BIRC2: variants seen among roughly 807,000 people sequenced by gnomAD.
The protein encoded by BIRC2 is baculoviral IAP repeat-containing protein 2.
In BIRC2, 18 loss-of-function variants were observed where a neutral mutation model predicts 60.9. That is an observed-to-expected ratio of 0.30 (90% CI 0.20 to 0.44). BIRC2 has a LOEUF of 0.44. Ranked by LOEUF, BIRC2 falls within the 20% of genes least tolerant of loss-of-function variation. BIRC2 has a pLI of 1.00. For missense variants in BIRC2, 701 were observed against 728.5 expected (o/e 0.96, Z 0.43); for synonymous variants, 282 against 247.7 (o/e 1.14, Z -1.30).
intron 5 of BIRC2, among the ~76,000 whole-genome samples, chr11:102,364,174 T>TATATATACACACACACACAC (rs1389968594): frequency 2.6e-5 from 2 of 78,116 alleles, no homozygotes; most frequent in African/African-American, 1.3e-4. Flanking sequence ...TATATATATA[T>TATATATACACACACACACAC]ACACACACAC....
At chr11:102,364,174 T>TATACACACACACACAC (rs1389968594) in intron 5 of BIRC2, among the ~76,000 whole-genome samples, 1 of 78,120 alleles carries the variant, frequency 1.3e-5, no homozygotes, top group African/African-American at 6.7e-5. Flanking sequence ...TATATATATA[T>TATACACACACACACAC]ACACACACAC....
chr11:102,353,679 C>CTTTTTTTTTT lies in BIRC2; in HGVS notation c.995+2751_995+2760dup, dbSNP rs60766578. ...ATCCATCACCTTATGTAGTAACTTT[C>CTTTTTTTTTT]TTTTTTTTTTTTTTTTTTTTTTTTG... On this transcript the variant is annotated intron_variant, in intron 3 of 8. Coordinates refer to ENST00000227758, the MANE Select transcript of BIRC2 (RefSeq NM_001166.5). Among the ~76,000 whole-genome samples, 608 of 85,944 alleles carry CTTTTTTTTTT rather than the reference C, an allele frequency of 7.1e-3. 7 individuals are homozygous for CTTTTTTTTTT. The highest frequency in any genetic ancestry group is 0.011 in the Non-Finnish European group (481 of 45,102). The allele number at this position is 85,944 out of a possible 152,430, so 56.4% of individuals were successfully genotyped here.
At chr11:102,361,607 A>C (rs1263073635) in intron 3 of BIRC2, among the ~76,000 whole-genome samples, 1 of 152,084 alleles carries the variant, frequency 6.6e-6, no homozygotes, top group Non-Finnish European at 1.5e-5. Flanking sequence ...ATCAATGAAC[A>C]CTATAGGGTC....
intron 6 of BIRC2, among the ~76,000 whole-genome samples, chr11:102,374,427 G>T (rs368075835): frequency 6.7e-4 from 99 of 147,654 alleles, no homozygotes; most frequent in Admixed American, 3.1e-3. Flanking sequence ...ATACCCTGCC[G>T]TGTGAGGTGT....
intron 6 of BIRC2, among the ~76,000 whole-genome samples, chr11:102,375,529 C>T (rs977740651): frequency 1.3e-5 from 2 of 152,054 alleles, no homozygotes; most frequent in African/African-American, 2.4e-5. Context: ...GCCTGTAATC[C>T]CAGCACTTTG....
intron 3 of BIRC2, among the ~76,000 whole-genome samples, chr11:102,357,114 T>C (rs936369250): frequency 3.9e-5 from 6 of 152,194 alleles, no homozygotes; most frequent in African/African-American, 1.4e-4. Flanking sequence ...GGTTTGCTAG[T>C]ATTTGTTGAG....
intron 3 of BIRC2, among the ~76,000 whole-genome samples, chr11:102,352,976 T>G (rs1951380545): frequency 6.6e-6 from 1 of 152,148 alleles, no homozygotes; most frequent in Non-Finnish European, 1.5e-5. Context: ...TTTAAAGTTA[T>G]TAATATTAAT....
intron 6 of BIRC2, among the ~76,000 whole-genome samples, chr11:102,375,465 A>T (rs1029880777): frequency 3.3e-5 from 5 of 152,198 alleles, no homozygotes; most frequent in Non-Finnish European, 7.3e-5. Flanking sequence ...GGACTTCTAC[A>T]TTGAAACAGA....
intron 3 of BIRC2, among the ~76,000 whole-genome samples, chr11:102,353,009 CTTTT>C (rs1027455007): frequency 6.6e-6 from 1 of 151,946 alleles, no homozygotes; most frequent in African/African-American, 2.4e-5. Flanking sequence ...TAAATTTTGA[CTTTT>C]TTACACTGAA....
chr11:102,364,536 A>G (rs1327698195), intron 5 of BIRC2, among the ~76,000 whole-genome samples: 1 of 152,164 alleles, frequency 6.6e-6, no homozygotes, highest in Non-Finnish European at 1.5e-5. Flanking sequence ...TTAGAGCTTA[A>G]TGTTAGCCAC....
chr11:102,378,009 A>G lies in BIRC2; in HGVS notation c.1683A>G (p.Gln561=), dbSNP rs752124910. ...EDVSGLSLEE[Q]LRRLQEERTC... ...TATTAGGTCTGTCACTGGAAGAACA[A>G]TTGAGGAGGTTGCAAGAAGAACGAA... The change falls in exon 9 of 9, where the codon CAA becomes CAG. Residue 561 remains glutamine, a synonymous_variant. Transcript: ENST00000227758. 76 of 1,611,122 alleles carry G rather than the reference A, an allele frequency of 4.7e-5. 1 individual carries two copies. The highest frequency in any genetic ancestry group is 4.5e-4 in the South Asian group (41 of 90,148).
chr11:102,359,665 C>A (rs1021823879), intron 3 of BIRC2, among the ~76,000 whole-genome samples: 1 of 152,194 alleles, frequency 6.6e-6, no homozygotes, highest in African/African-American at 2.4e-5. Context: ...TCATCCAACT[C>A]TCTCCTGGCC....
chr11:102,360,338 C>CT (rs1265503383), intron 3 of BIRC2, among the ~76,000 whole-genome samples: 55 of 148,694 alleles, frequency 3.7e-4, no homozygotes, highest in South Asian at 1.3e-3. Context: ...CTCCACTATT[C>CT]TTTTTTTTTT....
Position 102,351,071 on chromosome 11 carries a change from C to T in BIRC2, c.995+128C>T, listed in dbSNP as rs539999760. On this transcript the variant is annotated intron_variant, in intron 3 of 8. Transcript: ENST00000227758. The stretch of plus-strand genomic sequence containing the variant: ...TTTATGCCATTGGGGAATTATCCTT[C>T]TAAAAGATCACATTTTAACTTTAAT... 45 of 821,018 alleles carry T rather than the reference C, an allele frequency of 5.5e-5. No homozygotes were observed. The South Asian group carries it at 8.6e-4, about 16-fold the overall frequency. 50.9% of individuals were successfully genotyped at this position (821,018 alleles called of 1,614,324 possible).
chr11:102,353,901 A>G (rs1951390730), intron 3 of BIRC2, among the ~76,000 whole-genome samples: 1 of 152,002 alleles, frequency 6.6e-6, no homozygotes, highest in South Asian at 2.1e-4. Flanking sequence ...GTTACCATAC[A>G]GTATAGTTGT....
intron 6 of BIRC2, among the ~76,000 whole-genome samples, chr11:102,371,640 T>A (rs977830908): frequency 2.0e-5 from 3 of 147,790 alleles, no homozygotes; most frequent in Non-Finnish European, 3.0e-5. Flanking sequence ...TTTTTTGTTG[T>A]GTCTCTGCCC....
In BIRC2 at chr11:102,373,518, G is replaced by A. The variant is rs1429117236; in HGVS notation, c.1367-3978G>A. ...GCCCCCACTCTCTTCTGGCTTGTAGGGTTTCTGCCGAGAGATCCGTTGTTA... is the reference window on the plus strand; with the variant it reads ...GCCCCCACTCTCTTCTGGCTTGTAGAGTTTCTGCCGAGAGATCCGTTGTTA... On this transcript the variant is annotated intron_variant, in intron 6 of 8. Transcript: ENST00000227758. Among the ~76,000 whole-genome samples, 4 of 151,756 alleles carry A rather than the reference G, an allele frequency of 2.6e-5. No homozygotes were observed. In the East Asian group the frequency reaches 7.7e-4, roughly 29 times the overall value.
At chr11:102,355,594 A>T (rs916794385) in intron 3 of BIRC2, among the ~76,000 whole-genome samples, 1 of 152,042 alleles carries the variant, frequency 6.6e-6, no homozygotes, top group Non-Finnish European at 1.5e-5. Flanking sequence ...TGCTTAGGCT[A>T]TTCTGGGCCT....
Position 102,349,690 on chromosome 11 carries a change from A to T in BIRC2, c.-165A>T. The T allele has an allele frequency of 1.4e-6, 1 of 703,562 alleles. No homozygotes were observed. Among genetic ancestry groups the T allele is most frequent in the East Asian group, 2.8e-5 (1 of 36,152 alleles). 43.6% of individuals were successfully genotyped at this position (703,562 alleles called of 1,614,324 possible). A position where few individuals can be genotyped will look rare whatever the true frequency, so the allele number is the denominator to read the frequency against. ...AGTAGTATCTTGGTAATTCAGAGAG[A>T]TACTCATCCTACCTGAATATAAACT... is the stretch of plus-strand genomic sequence containing the variant. On this transcript the variant is annotated 5_prime_UTR_variant, in exon 2 of 9. Coordinates refer to ENST00000227758, the MANE Select transcript of BIRC2 (RefSeq NM_001166.5).
Sources: allele counts gnomAD v4.1 joint callset (sites outside exome capture counted in the v4.1 genomes callset), GRCh38; gene constraint gnomAD v4.1.1; transcripts MANE v1.5; gene names NCBI Gene and HGNC (gene_info 2026-07-23, HGNC 2026-07-21).